CCDC144A: variants seen among roughly 807,000 people sequenced by gnomAD.
The protein encoded by CCDC144A is coiled-coil domain containing 144A.
A neutral mutation model predicts 143.8 loss-of-function variants in CCDC144A; 41 were observed. The observed-to-expected ratio is 0.29, with a 90% CI of 0.22 to 0.37. The LOEUF is 0.37. Ranked by LOEUF, CCDC144A falls within the 10% of genes least tolerant of loss-of-function variation. CCDC144A has a pLI of 1.00. For missense variants in CCDC144A, 637 were observed against 1,488.8 expected, an observed-to-expected ratio of 0.43 and a Z score of 9.41; for synonymous variants, 242 against 517.9, an observed-to-expected ratio of 0.47 and a Z score of 7.23.
At chr17:16,741,317 TGAA>T (rs1278941794) in intron 12 of CCDC144A, among the ~76,000 whole-genome samples, 2 of 152,026 alleles carry the variant, frequency 1.3e-5, no homozygotes, top group African/African-American at 4.8e-5. Context: ...TGGAATCATC[TGAA>T]GGTTTGTTCA....
chr17:16,704,837 C>A (rs948070041), intron 2 of CCDC144A, among the ~76,000 whole-genome samples: 8 of 152,054 alleles, frequency 5.3e-5, no homozygotes, highest in Non-Finnish European at 1.0e-4. Flanking sequence ...GACATAAATT[C>A]TGTTTTAAAA....
At chr17:16,726,586 T>G (rs549229899) in intron 8 of CCDC144A, among the ~76,000 whole-genome samples, 2 of 152,094 alleles carry the variant, frequency 1.3e-5, no homozygotes, top group Admixed American at 1.3e-4. Flanking sequence ...AGTCTCAGTT[T>G]TCCCAGCATC....
chr17:16,753,999 C>G (rs1597585781), intron 12 of CCDC144A, among the ~76,000 whole-genome samples: 1 of 152,228 alleles, frequency 6.6e-6, no homozygotes, highest in Non-Finnish European at 1.5e-5. Flanking sequence ...ATTACTGATT[C>G]AATTACATTA....
chr17:16,690,360 T>A lies in CCDC144A; in HGVS notation c.-41T>A. The A allele has an allele frequency of 6.9e-7, 1 of 1,444,032 alleles. No individual in the cohort carries two copies. The highest frequency in any genetic ancestry group is 1.4e-5 in the South Asian group (1 of 69,920). 89.5% of individuals were successfully genotyped at this position (1,444,032 alleles called of 1,614,324 possible). On this transcript the variant is annotated 5_prime_UTR_variant, in exon 1 of 17. Transcript: ENST00000399273. ...TTCGCAGATTGGAAACCGCGGGCTA[T>A]CCTGCTGGGAGGTTGTGGCCGAGGC...
chr17:16,699,764 G>T (rs1189843159), intron 2 of CCDC144A, among the ~76,000 whole-genome samples: 1 of 150,942 alleles, frequency 6.6e-6, no homozygotes, highest in African/African-American at 2.4e-5. Flanking sequence ...TTATACTGTA[G>T]AATATATTGT....
chr17:16,677,388 G>T, the CCDC144A span, among the ~76,000 whole-genome samples: 2 of 152,136 alleles, frequency 1.3e-5, no homozygotes, highest in African/African-American at 2.4e-5. Flanking sequence ...ACTTATAGAA[G>T]GTTATAGATT....
rs1913645467 is a variant in CCDC144A at position 16,729,963 on chromosome 17, C to CATATATATATGTATATATATAT, written c.2106-1827_2106-1826insGTATATATATATATATATATAT. ...CATATTGTACCTCAGTAGGTAGTTT[C>CATATATATATGTATATATATAT]ATATATATATATATATATATATATA... is the stretch of plus-strand genomic sequence containing the variant. On this transcript the variant is annotated intron_variant, in intron 9 of 16. Transcript: ENST00000399273. 3.2e-5 allele frequency among the ~76,000 whole-genome samples: 3 copies of CATATATATATGTATATATATAT among 94,076 alleles called. No homozygotes were observed. In the East Asian group the frequency reaches 8.4e-4, roughly 26 times the overall value. 61.7% of individuals were successfully genotyped at this position (94,076 alleles called of 152,430 possible).
chr17:16,749,883 C>A (rs1449986831), intron 12 of CCDC144A, among the ~76,000 whole-genome samples: 1 of 152,068 alleles, frequency 6.6e-6, no homozygotes, highest in Non-Finnish European at 1.5e-5. Context: ...GGTTTAAAGT[C>A]TGTTTTATCT....
the CCDC144A span, among the ~76,000 whole-genome samples, chr17:16,675,140 G>A: frequency 1.1e-4 from 17 of 151,584 alleles, no homozygotes; most frequent in South Asian, 2.1e-4. Flanking sequence ...GTGGTGGCAC[G>A]TGCCTGTAAT....
Position 16,746,269 on chromosome 17 carries a change from C to CTTT in CCDC144A, c.3372+10627_3372+10628insTTT, listed in dbSNP as rs1265518914. ...TTCTTCTGTTTATCTGTCTCTCTCTCTCTTTTTTTTTTTTTTTGCATCTTT... is the reference window on the plus strand; with the variant it reads ...TTCTTCTGTTTATCTGTCTCTCTCTCTTTTCTTTTTTTTTTTTTTTGCATCTTT... On this transcript the variant is annotated intron_variant, in intron 12 of 16. Coordinates refer to ENST00000399273, the MANE Select transcript of CCDC144A (RefSeq NM_001382000.1). 2.1e-4 allele frequency: 197 copies of CTTT among 951,440 alleles called. 1 individual carries two copies. The highest frequency in any genetic ancestry group is 1.5e-3 in the East Asian group (49 of 32,554). 58.9% of individuals were successfully genotyped at this position (951,440 alleles called of 1,614,324 possible). A position where few individuals can be genotyped will look rare whatever the true frequency, so the allele number is the denominator to read the frequency against.
chr17:16,717,052 C>T (rs1470554938), intron 6 of CCDC144A, among the ~76,000 whole-genome samples: 10 of 151,362 alleles, frequency 6.6e-5, no homozygotes, highest in Admixed American at 6.6e-4. Flanking sequence ...CCGCCCGCCT[C>T]GGCCTCCCAA....
At position 16,755,017 on chromosome 17, in the gene CCDC144A, A is replaced by T. The variant is rs190301048; in HGVS notation, c.3373-6408A>T. Among the ~76,000 whole-genome samples the T allele has an allele frequency of 5.5e-3, 834 of 151,934 alleles. 6 individuals are homozygous for T. The highest frequency in any genetic ancestry group is 0.019 in the African/African-American group (791 of 41,330). On this transcript the variant is annotated intron_variant, in intron 12 of 16. Coordinates refer to ENST00000399273, the MANE Select transcript of CCDC144A (RefSeq NM_001382000.1). ...TCTTTTATTTTATTTTATTTTTTTT[A>T]CTTAAGATCTATTTTGTCTGATATA...
intron 12 of CCDC144A, among the ~76,000 whole-genome samples, chr17:16,757,681 C>T (rs1476056705): frequency 6.6e-6 from 1 of 152,220 alleles, no homozygotes; most frequent in African/African-American, 2.4e-5. Context: ...GGCCAGTCCT[C>T]CGGCCTCCTA....
rs760019494 is a variant in CCDC144A at position 16,720,162 on chromosome 17, G to T, written c.1716-36G>T. The T allele has an allele frequency of 8.0e-6, 12 of 1,497,568 alleles. No individual in the cohort carries two copies. In the South Asian group the frequency reaches 1.2e-4, roughly 15 times the overall value. The allele number at this position is 1,497,568 out of a possible 1,614,324, so 92.8% of individuals were successfully genotyped here. ...GATATTCTTTGTATTTTACATCTTT[G>T]CTATTTTTCTAAAAGGAATTGTTTT... is the stretch of plus-strand genomic sequence containing the variant. On this transcript the variant is annotated intron_variant, in intron 6 of 16. Transcript: ENST00000399273.
chr17:16,675,930 A>G, the CCDC144A span, among the ~76,000 whole-genome samples: 1 of 151,134 alleles, frequency 6.6e-6, no homozygotes, highest in Non-Finnish European at 1.5e-5. Flanking sequence ...TTTAATTTTC[A>G]GTAGAGACGG....
intron 12 of CCDC144A, among the ~76,000 whole-genome samples, chr17:16,752,166 C>T (rs1914824014): frequency 1.3e-5 from 2 of 152,164 alleles, no homozygotes; most frequent in Non-Finnish European, 2.9e-5. Flanking sequence ...ACGTGAGCTT[C>T]GCCTCTTGTC....
In CCDC144A at chr17:16,709,016, T is replaced by TA. The variant is rs1238501871; in HGVS notation, c.960dup (p.Leu321ThrfsTer2). ...CCGGCTTGTCCTGAGGAAGAGCCAC[T>TA]ACTTGATAACTCTACAAGAGGAACA... is the stretch of plus-strand genomic sequence containing the variant. On this transcript the variant is annotated frameshift_variant, in exon 5 of 17. Coordinates refer to ENST00000399273, the MANE Select transcript of CCDC144A (RefSeq NM_001382000.1). LOFTEE classifies it high-confidence loss of function. The TA allele has an allele frequency of 6.2e-7, 1 of 1,611,580 alleles. No homozygotes were observed. Among genetic ancestry groups the TA allele is most frequent in the Non-Finnish European group, 8.5e-7 (1 of 1,179,644 alleles).
the CCDC144A span, chr17:16,683,426 G>A: frequency 1.6e-5 from 17 of 1,041,610 alleles, no homozygotes; most frequent in Admixed American, 3.5e-4. Flanking sequence ...TCCTGGTGCC[G>A]GGAGTGAGCG....
chr17:16,690,513 T>C lies in CCDC144A; in HGVS notation c.113T>C (p.Leu38Ser), dbSNP rs200445302. Residue 38 changes from leucine to serine, a missense_variant, in exon 1 of 17, where the codon TTG (leucine) becomes TCG (serine). Coordinates refer to ENST00000399273, the MANE Select transcript of CCDC144A (RefSeq NM_001382000.1). ...SVGSQGDQWY[L>S]GYPGDQWSSG... ...GGGAGCCAGGGGGACCAGTGGTACTTGGGCTACCCGGGGGACCAGTGGTCC... is the reference window on the plus strand; with the variant it reads ...GGGAGCCAGGGGGACCAGTGGTACTCGGGCTACCCGGGGGACCAGTGGTCC... 1 of 1,611,134 alleles carries C rather than the reference T, an allele frequency of 6.2e-7. No individual in the cohort carries two copies. Among genetic ancestry groups the C allele is most frequent in the South Asian group, 1.1e-5 (1 of 90,904 alleles).
Sources: allele counts gnomAD v4.1 joint callset (sites outside exome capture counted in the v4.1 genomes callset), GRCh38; gene constraint gnomAD v4.1.1; transcripts MANE v1.5; gene names NCBI Gene and HGNC (gene_info 2026-07-23, HGNC 2026-07-21).